Variants in AGO2 observed in about 807,000 individuals in gnomAD.
The protein encoded by AGO2 is argonaute RISC catalytic component 2.
A neutral mutation model predicts 102.3 loss-of-function variants in AGO2; 5 were observed. That is an observed-to-expected ratio of 0.05 (90% CI 0.03 to 0.10). The LOEUF is 0.10. Ranked by LOEUF, AGO2 falls within the 10% of genes least tolerant of loss-of-function variation. The pLI, the probability that AGO2 is intolerant of heterozygous loss-of-function variation, is 1.00. For synonymous variants in AGO2, 449 were observed against 473.1 expected (o/e 0.95, Z 0.66); for missense variants, 541 against 1,183.7 (o/e 0.46, Z 7.97).
At chr8:140,641,335 C>A in the AGO2 span, among the ~76,000 whole-genome samples, 4 of 138,846 alleles carry the variant, frequency 2.9e-5, no homozygotes, top group Admixed American at 7.2e-5. Context: ...CACACACACA[C>A]AAAACAGCAA....
rs986445161 is a variant in AGO2 at position 140,635,512 on chromosome 8, C to T, written c.-6G>A. On this transcript the variant is annotated 5_prime_UTR_variant, in exon 1 of 19. Coordinates refer to ENST00000220592, the MANE Select transcript of AGO2 (RefSeq NM_012154.5). ...GGGCCGGCTCCCGAGTACATGGTGGCGCCGCCGAGGGGCTCCGGGGCCGAG... is the reference window on the plus strand; with the variant it reads ...GGGCCGGCTCCCGAGTACATGGTGGTGCCGCCGAGGGGCTCCGGGGCCGAG... 2 of 980,192 alleles carry T rather than the reference C, an allele frequency of 2.0e-6. No homozygotes were observed. Among genetic ancestry groups the T allele is most frequent in the South Asian group, 9.1e-5 (2 of 22,038 alleles). The allele number at this position is 980,192 out of a possible 1,614,324, so 60.7% of individuals were successfully genotyped here. A position where few individuals can be genotyped will look rare whatever the true frequency, so the allele number is the denominator to read the frequency against.
In AGO2 at chr8:140,524,158, G is replaced by A. The variant is rs1360632960; in HGVS notation, c.*7886C>T. The stretch of plus-strand genomic sequence containing the variant: ...AGTAATGAAGAGCATTCCAAAATAA[G>A]GGTCACAGGACTGAATAGCACCTTA... On this transcript the variant is annotated 3_prime_UTR_variant, in exon 19 of 19. Coordinates refer to ENST00000220592, the MANE Select transcript of AGO2 (RefSeq NM_012154.5). The A allele has an allele frequency of 6.6e-6, 1 of 152,206 alleles. No individual in the cohort carries two copies. The highest frequency in any genetic ancestry group is 1.5e-5 in the Non-Finnish European group (1 of 68,066). 9.4% of individuals were successfully genotyped at this position (152,206 alleles called of 1,614,324 possible).
chr8:140,583,994 T>A (rs1195780706), intron 2 of AGO2, among the ~76,000 whole-genome samples: 1 of 152,196 alleles, frequency 6.6e-6, no homozygotes, highest in Non-Finnish European at 1.5e-5. Flanking sequence ...TGTCTGTCAC[T>A]GGCCAAACGT....
At chr8:140,549,773 A>G (rs1158411041) in intron 11 of AGO2, among the ~76,000 whole-genome samples, 1 of 152,236 alleles carries the variant, frequency 6.6e-6, no homozygotes, top group African/African-American at 2.4e-5. Flanking sequence ...TCTGATGGGC[A>G]TAACTTGGAC....
At chr8:140,614,372 C>A (rs958842206) in intron 1 of AGO2, among the ~76,000 whole-genome samples, 3 of 152,174 alleles carry the variant, frequency 2.0e-5, no homozygotes, top group South Asian at 2.1e-4. Context: ...TTCATTTATT[C>A]AAAACAGTGT....
intron 1 of AGO2, among the ~76,000 whole-genome samples, chr8:140,601,357 C>A (rs1484638429): frequency 6.6e-6 from 1 of 152,204 alleles, no homozygotes; most frequent in Non-Finnish European, 1.5e-5. Flanking sequence ...CCCAGCAGCC[C>A]CAGCACCCCC....
intron 3 of AGO2, among the ~76,000 whole-genome samples, chr8:140,568,414 G>A (rs2073326147): frequency 1.3e-5 from 2 of 152,194 alleles, no homozygotes; most frequent in Admixed American, 1.3e-4. Flanking sequence ...TGAGCCCACG[G>A]CCTCCCTGTC....
rs35849440 is a variant in AGO2 at position 140,532,002 on chromosome 8, G to A, written c.*42C>T. On this transcript the variant is annotated 3_prime_UTR_variant, in exon 19 of 19. Coordinates refer to ENST00000220592, the MANE Select transcript of AGO2 (RefSeq NM_012154.5). ...TGTTGGTCTGAGTGTAGCTGGTCTC[G>A]TGAATCCCACTCGGTACACAATCGC... 6 of 1,575,192 alleles carry A rather than the reference G, an allele frequency of 3.8e-6. No individual in the cohort carries two copies. Among genetic ancestry groups the A allele is most frequent in the East Asian group, 2.3e-5 (1 of 44,384 alleles).
chr8:140,603,469 C>G (rs1287310910), intron 1 of AGO2, among the ~76,000 whole-genome samples: 2 of 152,230 alleles, frequency 1.3e-5, no homozygotes, highest in Admixed American at 6.5e-5. Flanking sequence ...CACAACCACC[C>G]AATTCCTGGG....
At chr8:140,563,227 GA>G (rs2132948402) in intron 3 of AGO2, among the ~76,000 whole-genome samples, 1 of 152,296 alleles carries the variant, frequency 6.6e-6, no homozygotes, top group East Asian at 1.9e-4. Context: ...CCCAGCAAGG[GA>G]AAATTCATTC....
In AGO2 at chr8:140,539,430, T is replaced by C; in HGVS notation, c.2059A>G (p.Ile687Val). 1.9e-6 allele frequency: 3 copies of C among 1,613,770 alleles called. No homozygotes were observed. The highest frequency in any genetic ancestry group is 2.5e-6 in the Non-Finnish European group (3 of 1,179,804). Reference protein sequence around the residue: ...QQVLHHELLAIREACIKLEKD... With the variant: ...QQVLHHELLAVREACIKLEKD... ...TCTAGCTTGATACAGGCCTCACGGA[T>C]GGCCAGCAACTCGTGGTGGAGAACC... The change falls in exon 16 of 19, where the codon ATC (isoleucine) becomes GTC (valine). Residue 687 changes from isoleucine (I) to valine (V), a missense_variant. Around this residue, in one of 6 missense-constraint regions of AGO2, gnomAD observed 309 missense variants for 735.1 expected, o/e 0.42. Coordinates refer to ENST00000220592, the MANE Select transcript of AGO2 (RefSeq NM_012154.5). This position sits in a 1 kb window ranked among gnomAD's most constrained non-coding sequence, Gnocchi z 4.7.
At chr8:140,597,601 GCTCACTCCTGTCAGCTTCAGC>G (rs551695964) in intron 1 of AGO2, among the ~76,000 whole-genome samples, 21 of 151,624 alleles carry the variant, frequency 1.4e-4, no homozygotes, top group African/African-American at 4.1e-4. Context: ...GAAATCTCAG[GCTCACTCCTGTCAGCTTCAGC>G]CTCACTCCTG....
chr8:140,533,763 C>T (rs1485492704), intron 17 of AGO2, among the ~76,000 whole-genome samples: 12 of 150,760 alleles, frequency 8.0e-5, no homozygotes, highest in Admixed American at 2.0e-4. Flanking sequence ...GCTGAGTACA[C>T]GCCACTGCAC....
intron 1 of AGO2, among the ~76,000 whole-genome samples, chr8:140,622,021 G>A (rs1395960897): frequency 6.6e-6 from 1 of 152,192 alleles, no homozygotes; most frequent in Non-Finnish European, 1.5e-5. Context: ...AAGCCAAATC[G>A]TAGATGAACT....
intron 13 of AGO2, among the ~76,000 whole-genome samples, chr8:140,545,270 A>G (rs367897195): frequency 3.6e-4 from 55 of 152,208 alleles, no homozygotes; most frequent in African/African-American, 1.3e-3. Context: ...GGCCACAGCA[A>G]CAGGGCTCCT....
intron 1 of AGO2, among the ~76,000 whole-genome samples, chr8:140,601,716 T>G (rs2073936088): frequency 6.6e-6 from 1 of 152,268 alleles, no homozygotes; most frequent in Non-Finnish European, 1.5e-5. Context: ...CTACCTTGTA[T>G]CAGCTCTAGA....
chr8:140,551,778 G>T (rs1183311424), intron 10 of AGO2, among the ~76,000 whole-genome samples: 2 of 151,532 alleles, frequency 1.3e-5, no homozygotes, highest in Non-Finnish European at 2.9e-5. Flanking sequence ...CGGTGGATAA[G>T]ATGGGTGGGT....
At chr8:140,597,910 G>C (rs1262466442) in intron 1 of AGO2, among the ~76,000 whole-genome samples, 1 of 152,212 alleles carries the variant, frequency 6.6e-6, no homozygotes, top group African/African-American at 2.4e-5. Flanking sequence ...TGCCACCTGG[G>C]AGGACCAAGA....
At chr8:140,545,870 G>GCCCCAGCTCA (rs369316483) in intron 13 of AGO2, among the ~76,000 whole-genome samples, 2 of 152,188 alleles carry the variant, frequency 1.3e-5, no homozygotes, top group Non-Finnish European at 2.9e-5. Context: ...GCCTCCGACG[G>GCCCCAGCTCA]CCCCAGCTCA....
Sources: gnomAD v4.1 joint callset for allele counts (sites outside exome capture counted in the v4.1 genomes callset) on GRCh38, gnomAD v4.1.1 for gene constraint, gnomAD v4.1.1 regional missense constraint, Gnocchi (gnomAD v3.1) non-coding constraint, MANE v1.5 for transcripts, NCBI Gene and HGNC (gene_info 2026-07-23, HGNC 2026-07-21) for gene names.